LARP1B: variants seen among roughly 807,000 people sequenced by gnomAD.
The protein encoded by LARP1B is La ribonucleoprotein 1B.
Under a neutral mutation model 114.2 loss-of-function variants are expected in LARP1B, and 76 were observed. The ratio of observed to expected loss-of-function variants is 0.67; its 90% CI spans 0.55 to 0.81. The LOEUF is 0.81. LARP1B is among the 30% of genes least tolerant of loss of function. The pLI, the probability that LARP1B is intolerant of heterozygous loss-of-function variation, is 0.00. For missense variants in LARP1B, 1,014 were observed against 1,075.8 expected, an observed-to-expected ratio of 0.94 and a Z score of 0.80; for synonymous variants, 345 against 348.0, an observed-to-expected ratio of 0.99 and a Z score of 0.10.
chr4:128,109,443 G>A (rs1206462904), intron 9 of LARP1B, among the ~76,000 whole-genome samples: 4 of 151,978 alleles, frequency 2.6e-5, no homozygotes, highest in Non-Finnish European at 5.9e-5. Context: ...CCTATCTGGA[G>A]GTTGAATTTT....
chr4:128,164,767 C>A (rs1444058488), intron 12 of LARP1B, among the ~76,000 whole-genome samples: 2 of 152,070 alleles, frequency 1.3e-5, no homozygotes, highest in Non-Finnish European at 2.9e-5. Flanking sequence ...TGAGACCAGC[C>A]TGGGCATACT....
chr4:128,062,512 T>C (rs1218256400), intron 1 of LARP1B, among the ~76,000 whole-genome samples: 1 of 151,710 alleles, frequency 6.6e-6, no homozygotes, highest in Non-Finnish European at 1.5e-5. Context: ...TGCGATTGTG[T>C]TTTGTCCCCA....
chr4:128,195,429 C>T (rs1055522437), intron 15 of LARP1B, among the ~76,000 whole-genome samples: 4 of 152,102 alleles, frequency 2.6e-5, no homozygotes, highest in African/African-American at 9.7e-5. Flanking sequence ...TTCTGGCTCC[C>T]TGTGATAAGT....
intron 10 of LARP1B, among the ~76,000 whole-genome samples, chr4:128,117,026 C>T (rs1325512052): frequency 6.6e-6 from 1 of 150,900 alleles, no homozygotes; most frequent in African/African-American, 2.4e-5. Context: ...ATTCTCCTGT[C>T]TCAGCCTACC....
intron 1 of LARP1B, among the ~76,000 whole-genome samples, chr4:128,065,087 T>C (rs1205897919): frequency 6.6e-6 from 1 of 152,130 alleles, no homozygotes; most frequent in Non-Finnish European, 1.5e-5. Flanking sequence ...TTGTATGGTA[T>C]GGTTCATGGA....
Position 128,178,590 on chromosome 4 carries a change from A to G in LARP1B, c.1844A>G (p.Lys615Arg). Reference protein sequence around the residue: ...PRTPRLQDPNKTPRFYPVVKE... With the variant: ...PRTPRLQDPNRTPRFYPVVKE... ...ACACCTAGGTTACAAGATCCTAACA[A>G]AACACCAAGATTTTATCCTGTTGTT... The change falls in exon 14 of 20, where the codon AAA (lysine) becomes AGA (arginine). Residue 615 changes from lysine to arginine, a missense_variant. By Grantham distance (26) the Lys-to-Arg change is conservative. Coordinates refer to ENST00000326639, the MANE Select transcript of LARP1B (RefSeq NM_018078.4). The G allele has an allele frequency of 1.2e-6, 2 of 1,614,140 alleles. No homozygotes were observed. Among genetic ancestry groups the G allele is most frequent in the Non-Finnish European group, 1.7e-6 (2 of 1,180,018 alleles).
At chr4:128,203,007 G>A (rs1238732627) in intron 17 of LARP1B, among the ~76,000 whole-genome samples, 2 of 152,162 alleles carry the variant, frequency 1.3e-5, no homozygotes, top group South Asian at 2.1e-4. Flanking sequence ...AGACTAGCCT[G>A]GCCAACATGG....
intron 6 of LARP1B, among the ~76,000 whole-genome samples, chr4:128,219,052 C>T (rs1314026897): frequency 6.9e-6 from 1 of 144,332 alleles, no homozygotes; most frequent in African/African-American, 2.6e-5. Context: ...AAATGCTCAT[C>T]ATCACTGGCC....
chr4:128,217,824 TATTCA>T (rs1350013329), intron 6 of LARP1B, among the ~76,000 whole-genome samples: 1 of 147,614 alleles, frequency 6.8e-6, no homozygotes, highest in Non-Finnish European at 1.5e-5. Context: ...AAATAAAGGG[TATTCA>T]ATTAGGAAAA....
At chr4:128,104,256 C>T (rs973377339) in intron 8 of LARP1B, among the ~76,000 whole-genome samples, 3 of 152,090 alleles carry the variant, frequency 2.0e-5, no homozygotes, top group Non-Finnish European at 4.4e-5. Flanking sequence ...CACTGCTTTC[C>T]CTTTTAAGAG....
At chr4:128,183,667 A>G (rs539013268) in intron 15 of LARP1B, among the ~76,000 whole-genome samples, 1 of 152,302 alleles carries the variant, frequency 6.6e-6, no homozygotes, top group East Asian at 1.9e-4. Context: ...TAGTCTTATT[A>G]TTTAGAATAT....
chr4:128,092,892 T>C (rs747548885), intron 7 of LARP1B: 1 of 985,438 alleles, frequency 1.0e-6, no homozygotes, highest in Non-Finnish European at 1.2e-6. Context: ...CCAAGTCCCT[T>C]CTGAGACCTG....
chr4:128,097,504 T>G (rs1297304562), intron 7 of LARP1B, among the ~76,000 whole-genome samples: 1 of 151,630 alleles, frequency 6.6e-6, no homozygotes, highest in African/African-American at 2.4e-5. Context: ...ACAGGTTTTC[T>G]GCATGTTGGT....
intron 1 of LARP1B, chr4:128,069,070 A>G (rs890162266): frequency 2.0e-6 from 2 of 1,011,576 alleles, no homozygotes; most frequent in African/African-American, 3.2e-5. Flanking sequence ...CCCTGGTGAG[A>G]ACCACCAATA....
rs746912740 is a variant in LARP1B at position 128,082,178 on chromosome 4, G to A, written c.231G>A (p.Lys77=). 3 of 1,611,876 alleles carry A rather than the reference G, an allele frequency of 1.9e-6. No homozygotes were observed. The highest frequency in any genetic ancestry group is 2.7e-5 in the African/African-American group (2 of 74,874). Residue 77 remains lysine (K), a synonymous_variant, in exon 5 of 20, where the codon AAG becomes AAA. Coordinates refer to ENST00000326639, the MANE Select transcript of LARP1B (RefSeq NM_018078.4). ...SNQRKRANKH[K]WVPLHLDVVR... The stretch of plus-strand genomic sequence containing the variant: ...GTTTTCTTCAAGCTAATAAGCACAA[G>A]TGGGTACCACTCCACTTAGATGTTG...
chr4:128,147,979 G>GTT (rs1316915195), intron 11 of LARP1B, among the ~76,000 whole-genome samples: 2 of 152,128 alleles, frequency 1.3e-5, no homozygotes, highest in East Asian at 3.8e-4. Flanking sequence ...ATTATCTAAT[G>GTT]AGAGCTAAGT....
At chr4:128,145,902 A>G (rs1043651632) in intron 11 of LARP1B, among the ~76,000 whole-genome samples, 1 of 152,222 alleles carries the variant, frequency 6.6e-6, no homozygotes, top group African/African-American at 2.4e-5. Flanking sequence ...GCAGAAGACC[A>G]TACCCATTAC....
chr4:128,073,572 GTTTTTTTTTTTTTTTTTTTTTTTT>G (rs568197117), intron 1 of LARP1B, among the ~76,000 whole-genome samples: 769 of 40,002 alleles, frequency 0.019, 7 homozygotes, highest in Non-Finnish European at 0.029. Context: ...TATTGTTGTC[GTTTTTTTTTTTTTTTTTTTTTTTT>G]TTTTTTTTTT....
At chr4:128,146,027 C>CT (rs1303057592) in intron 11 of LARP1B, among the ~76,000 whole-genome samples, 1 of 152,168 alleles carries the variant, frequency 6.6e-6, no homozygotes. Flanking sequence ...TTTAGTATTA[C>CT]TTATTAAAGT....
Sources: allele counts gnomAD v4.1 joint callset (sites outside exome capture counted in the v4.1 genomes callset), GRCh38; gene constraint gnomAD v4.1.1; transcripts MANE v1.5; gene names NCBI Gene and HGNC (gene_info 2026-07-23, HGNC 2026-07-21).